Variants in LRRC37A2 observed in about 807,000 individuals in gnomAD.
The protein encoded by LRRC37A2 is leucine-rich repeat-containing protein 37A2.
A neutral mutation model predicts 68.8 loss-of-function variants in LRRC37A2; 9 were observed. That is an observed-to-expected ratio of 0.13 (90% confidence interval 0.08 to 0.23). The LOEUF (loss-of-function observed/expected upper bound fraction) is 0.23. Among genes scored for constraint, LRRC37A2 ranks in the 10% least tolerant of loss-of-function variants. The probability of loss-of-function intolerance (pLI) is 1.00; values close to 1 mark genes in which losing one functional copy is unlikely to be tolerated. For missense variants in LRRC37A2, 168 were observed against 950.4 expected, an observed-to-expected ratio of 0.18 and a Z score of 10.82; for synonymous variants, 63 against 367.6, an observed-to-expected ratio of 0.17 and a Z score of 9.48.
the LRRC37A2 span, among the ~76,000 whole-genome samples, chr17:46,870,967 G>A: frequency 7.1e-6 from 1 of 140,472 alleles, no homozygotes; most frequent in South Asian, 2.3e-4. Flanking sequence ...CTGGAGTGCA[G>A]TGATGCGATC....
In LRRC37A2 at chr17:46,534,209, T is replaced by G. The variant is rs572334840; in HGVS notation, c.2907-5967T>G. Among the ~76,000 whole-genome samples, 31 of 148,972 alleles carry G rather than the reference T, an allele frequency of 2.1e-4. 1 individual carries two copies. The East Asian group carries it at 4.5e-3, about 22-fold the overall frequency. On this transcript the variant is annotated intron_variant, in intron 6 of 14. Coordinates refer to ENST00000576629, the Ensembl canonical transcript of LRRC37A2. ...TGTTTTTGTTTTTGTTTTTTTTAAT[T>G]TTTTTTTATTGATCATTCTTGGGTG...
At chr17:46,866,388 G>T in the LRRC37A2 span, among the ~76,000 whole-genome samples, 1 of 151,964 alleles carries the variant, frequency 6.6e-6, no homozygotes, top group South Asian at 2.1e-4. Flanking sequence ...GTGAGAATGT[G>T]TGTATGTGTG....
At chr17:46,923,678 G>C in the LRRC37A2 span, 1 of 848,918 alleles carries the variant, frequency 1.2e-6, no homozygotes, top group African/African-American at 1.7e-5. Context: ...TTATACTAAA[G>C]ACCACATTTT....
the LRRC37A2 span, chr17:46,979,308 A>ACGGCC: frequency 4.7e-4 from 103 of 219,466 alleles, no homozygotes; most frequent in African/African-American, 2.1e-3. Context: ...TCCCCTAGCA[A>ACGGCC]CGGCCCGGCC....
the LRRC37A2 span, chr17:46,833,456 G>A: frequency 2.0e-6 from 1 of 506,296 alleles, no homozygotes; most frequent in Admixed American, 2.0e-5. Flanking sequence ...TGTTAGGGAG[G>A]AAGGGACAGC....
chr17:46,501,298 C>G, the LRRC37A2 span, among the ~76,000 whole-genome samples: 1 of 151,080 alleles, frequency 6.6e-6, no homozygotes, highest in Admixed American at 6.6e-5. Context: ...GCCTCAGCCT[C>G]CTGAGTAGCT....
At chr17:46,895,026 C>T in the LRRC37A2 span, among the ~76,000 whole-genome samples, 1 of 152,198 alleles carries the variant, frequency 6.6e-6, no homozygotes, top group Non-Finnish European at 1.5e-5. Flanking sequence ...GGCCGGATCT[C>T]GGCAGAGCAG....
the LRRC37A2 span, among the ~76,000 whole-genome samples, chr17:46,758,065 G>A: frequency 1.3e-5 from 2 of 152,232 alleles, no homozygotes; most frequent in South Asian, 4.1e-4. Context: ...CCAGAAAGGA[G>A]GGTTGCCACT....
At chr17:46,877,620 G>A in the LRRC37A2 span, among the ~76,000 whole-genome samples, 1 of 152,186 alleles carries the variant, frequency 6.6e-6, no homozygotes, top group African/African-American at 2.4e-5. Flanking sequence ...CAGCTTCCTG[G>A]TGCCTGGCAG....
chr17:46,900,742 C>A, the LRRC37A2 span, among the ~76,000 whole-genome samples: 1 of 152,234 alleles, frequency 6.6e-6, no homozygotes, highest in Non-Finnish European at 1.5e-5. Context: ...TTATTAGGCA[C>A]TTTGGCAGCA....
the LRRC37A2 span, among the ~76,000 whole-genome samples, chr17:46,904,686 A>C: frequency 6.6e-6 from 1 of 152,152 alleles, no homozygotes; most frequent in African/African-American, 2.4e-5. Flanking sequence ...CTGCTCTTCT[A>C]GTTCTCATTG....
At chr17:46,876,673 C>A in the LRRC37A2 span, 41 of 1,591,188 alleles carry the variant, frequency 2.6e-5, no homozygotes, top group Non-Finnish European at 3.3e-5. Context: ...ACGTGGAGTG[C>A]CAGCAATGTG....
chr17:46,568,976 C>G, the LRRC37A2 span, among the ~76,000 whole-genome samples: 1 of 128,300 alleles, frequency 7.8e-6, no homozygotes, highest in Admixed American at 7.8e-5. Context: ...GGAGTCTCGC[C>G]CTGTCGCCCA....
the LRRC37A2 span, among the ~76,000 whole-genome samples, chr17:46,759,256 AG>A: frequency 6.6e-6 from 1 of 152,214 alleles, no homozygotes; most frequent in African/African-American, 2.4e-5. Context: ...TCAAGAAAGC[AG>A]GTAAGTTGCA....
chr17:46,827,885 C>G, the LRRC37A2 span, among the ~76,000 whole-genome samples: 4 of 151,462 alleles, frequency 2.6e-5, no homozygotes, highest in East Asian at 5.8e-4. Context: ...TCTCGGCTCA[C>G]TGCAAGCTCC....
the LRRC37A2 span, among the ~76,000 whole-genome samples, chr17:46,859,591 T>C: frequency 2.0e-5 from 3 of 152,264 alleles, no homozygotes; most frequent in Admixed American, 2.0e-4. Context: ...CCTAGATTAC[T>C]ATAGCTTTAT....
chr17:46,876,041 T>C, the LRRC37A2 span, among the ~76,000 whole-genome samples: 3 of 152,216 alleles, frequency 2.0e-5, no homozygotes, highest in African/African-American at 7.2e-5. Context: ...GTCACTCAGT[T>C]GGTGTGAACT....
chr17:46,908,682 G>A, the LRRC37A2 span, among the ~76,000 whole-genome samples: 1 of 152,186 alleles, frequency 6.6e-6, no homozygotes. Context: ...TGGGAGCAGG[G>A]GAAGACAGGC....
chr17:46,842,061 G>A, the LRRC37A2 span, among the ~76,000 whole-genome samples: 9 of 152,176 alleles, frequency 5.9e-5, no homozygotes, highest in Non-Finnish European at 1.5e-5. Flanking sequence ...GACCCGGGAG[G>A]CCTCCCCCTC....
Sources: gnomAD v4.1 joint callset for allele counts (sites outside exome capture counted in the v4.1 genomes callset) on GRCh38, gnomAD v4.1.1 for gene constraint, MANE v1.5 for transcripts, NCBI Gene and HGNC (gene_info 2026-07-23, HGNC 2026-07-21) for gene names.